TAF2: variants seen among roughly 807,000 people sequenced by gnomAD.
The protein encoded by TAF2 is TATA-box binding protein associated factor 2.
TAF2 carries 61 observed loss-of-function variants against 138.5 expected under a neutral mutation model. That is an observed-to-expected ratio of 0.44 (90% CI 0.36 to 0.54). TAF2 has a LOEUF of 0.54. Ranked by LOEUF, TAF2 falls within the 20% of genes least tolerant of loss-of-function variation. The pLI, the probability that TAF2 is intolerant of heterozygous loss-of-function variation, is 0.00. For synonymous variants in TAF2, 475 were observed against 469.9 expected (o/e 1.01, Z -0.14); for missense variants, 1,090 against 1,427.9 (o/e 0.76, Z 3.81).
At chr8:119,785,077 A>C in intron 15 of TAF2, 124 bp downstream of exon 15, 1 of 723,512 alleles carries the variant, frequency 1.4e-6, no homozygotes. Flanking sequence ...GGTTTCTATT[A>C]AATTAAAATA....
chr8:119,767,665 T>C (rs923860240), intron 18 of TAF2, among the ~76,000 whole-genome samples: 19 of 152,262 alleles, frequency 1.2e-4, no homozygotes, highest in East Asian at 3.9e-4. Flanking sequence ...GACCCGGCAT[T>C]TTCACACAAC....
chr8:119,806,236 A>C (rs370630087), intron 4 of TAF2, 47 bp downstream of exon 4: 4 of 1,488,390 alleles, frequency 2.7e-6, no homozygotes, highest in African/African-American at 2.8e-5. Flanking sequence ...TAGTGTCTGA[A>C]TCTAACGTGA....
chr8:119,795,599 C>T lies in TAF2; in HGVS notation c.1124G>A (p.Gly375Asp). 6.2e-7 allele frequency: 1 copy of T among 1,613,696 alleles called. No individual in the cohort carries two copies. The highest frequency in any genetic ancestry group is 8.5e-7 in the Non-Finnish European group (1 of 1,179,794). The change falls in exon 9 of 26, where the codon GGC (glycine) becomes GAC (aspartate). Residue 375 changes from glycine to aspartate, a missense_variant. Physicochemically the swap from Gly to Asp is moderately conservative, Grantham distance 94. Coordinates refer to ENST00000378164, the MANE Select transcript of TAF2 (RefSeq NM_003184.4). ...TTTCATCCAAAGTCCATAGATATAGCCTGAAATTCCCTTCAGCACCCATTC... is the reference window on the plus strand; with the variant it reads ...TTTCATCCAAAGTCCATAGATATAGTCTGAAATTCCCTTCAGCACCCATTC... Reference protein sequence around the residue: ...SDEWVLKGISGYIYGLWMKKT... With the variant: ...SDEWVLKGISDYIYGLWMKKT...
At chr8:119,750,109 G>A (rs181122677) in intron 22 of TAF2, among the ~76,000 whole-genome samples, 4 of 152,270 alleles carry the variant, frequency 2.6e-5, no homozygotes, top group Admixed American at 2.6e-4. Flanking sequence ...CAACTAGGCC[G>A]AGGCAGGAGG....
In TAF2 at chr8:119,747,072, C is replaced by A. The variant is rs879230449; in HGVS notation, c.2879-138G>T. The A allele has an allele frequency of 3.1e-5, 27 of 872,470 alleles. No individual in the cohort carries two copies. The South Asian group carries it at 3.9e-4, about 13-fold the overall frequency. 54.0% of individuals were successfully genotyped at this position (872,470 alleles called of 1,614,324 possible). On this transcript the variant is annotated intron_variant, in intron 22 of 25. Coordinates refer to ENST00000378164, the MANE Select transcript of TAF2 (RefSeq NM_003184.4). ...CACCTTTCATCTTACAAAATGAATACTAGACATCAACCAAAAATCTAACAT... is the reference window on the plus strand; with the variant it reads ...CACCTTTCATCTTACAAAATGAATAATAGACATCAACCAAAAATCTAACAT...
chr8:119,784,927 A>C (rs962068009), intron 15 of TAF2, among the ~76,000 whole-genome samples: 1 of 152,186 alleles, frequency 6.6e-6, no homozygotes, highest in Non-Finnish European at 1.5e-5. Flanking sequence ...GGCCACAAAG[A>C]GAGAATAAGG....
chr8:119,763,121 GACT>G (rs1191497196), intron 18 of TAF2, among the ~76,000 whole-genome samples: 1 of 152,170 alleles, frequency 6.6e-6, no homozygotes, highest in African/African-American at 2.4e-5. Context: ...ACTGGAAGAA[GACT>G]ATCTGCCCGC....
intron 17 of TAF2, among the ~76,000 whole-genome samples, chr8:119,778,491 A>G (rs369640212): frequency 6.6e-5 from 10 of 152,212 alleles, no homozygotes; most frequent in African/African-American, 2.4e-4. Context: ...GATACAGTGG[A>G]AAAGGTACAG....
At chr8:119,806,468 TC>T (rs370542870) in intron 3 of TAF2, 67 bp from the exon 4 acceptor site, 68 of 1,109,478 alleles carry the variant, frequency 6.1e-5, no homozygotes, top group Non-Finnish European at 7.2e-5. Context: ...TTTCTTTCTT[TC>T]TTTTTTTTTT....
chr8:119,807,896 T>G (rs573461093), intron 3 of TAF2, among the ~76,000 whole-genome samples: 3 of 152,132 alleles, frequency 2.0e-5, no homozygotes, highest in Non-Finnish European at 4.4e-5. Flanking sequence ...CACTCCAACC[T>G]GGGCAACAGA....
intron 9 of TAF2, among the ~76,000 whole-genome samples, chr8:119,794,125 C>CA (rs984366942): frequency 2.1e-4 from 32 of 152,222 alleles, no homozygotes; most frequent in African/African-American, 7.7e-4. Flanking sequence ...AAGACGGGCG[C>CA]AGTGGCTCAC....
rs775370856 is a variant in TAF2, at chr8:119,760,737, A to G, written c.2560T>C (p.Cys854Arg). 1 of 1,613,860 alleles carries G rather than the reference A, an allele frequency of 6.2e-7. No homozygotes were observed. Among genetic ancestry groups the G allele is most frequent in the Admixed American group, 1.7e-5 (1 of 60,016 alleles). Residue 854 changes from cysteine (C) to arginine (R), a missense_variant and splice_region_variant, in exon 20 of 26, where the codon TGT becomes CGT. Transcript: ENST00000378164. ...PSYRHTITVSCLRAIRVLQKN... is the reference protein window; with the variant it reads ...PSYRHTITVSRLRAIRVLQKN... ...TGAAGTACCCGTATGGCTCTCAAAC[A>G]ACTAGGGAAAAAAATACGTATGTTA...
intron 18 of TAF2, among the ~76,000 whole-genome samples, chr8:119,765,213 C>A (rs62526567): frequency 0.02 from 3,096 of 152,100 alleles, 46 homozygotes; most frequent in Non-Finnish European, 0.026. Flanking sequence ...TAAATATAGG[C>A]ATCTAGTACT....
At chr8:119,773,943 G>A (rs1241805229) in intron 18 of TAF2, among the ~76,000 whole-genome samples, 10 of 151,766 alleles carry the variant, frequency 6.6e-5, no homozygotes, top group African/African-American at 2.2e-4. Flanking sequence ...AGGCCAAGGC[G>A]GGTGGATCAC....
chr8:119,800,143 T>C (rs1824150765), intron 6 of TAF2, among the ~76,000 whole-genome samples: 1 of 152,332 alleles, frequency 6.6e-6, no homozygotes, highest in African/African-American at 2.4e-5. Flanking sequence ...AACTCTTTAG[T>C]TTAATTAGAT....
At chr8:119,789,914 A>C (rs1274316949) in intron 11 of TAF2, among the ~76,000 whole-genome samples, 168 bp from the exon 12 acceptor site, 1 of 152,234 alleles carries the variant, frequency 6.6e-6, no homozygotes, top group African/African-American at 2.4e-5. Context: ...ATATGCAAAG[A>C]TATAAGCAGC....
intron 3 of TAF2, among the ~76,000 whole-genome samples, chr8:119,816,400 C>A (rs191646101): frequency 6.6e-6 from 1 of 152,054 alleles, no homozygotes; most frequent in Non-Finnish European, 1.5e-5. Context: ...GGCATGGCAC[C>A]TTAACTTTAA....
intron 3 of TAF2, among the ~76,000 whole-genome samples, chr8:119,807,867 A>G (rs1485079524): frequency 1.3e-5 from 2 of 152,242 alleles, no homozygotes; most frequent in Non-Finnish European, 2.9e-5. Context: ...AGTTGCAGTG[A>G]GCTGAGATTG....
chr8:119,742,472 C>T, intron 25 of TAF2, 62 bp downstream of exon 25: 6 of 1,584,940 alleles, frequency 3.8e-6, no homozygotes, highest in Non-Finnish European at 5.2e-6. Context: ...TGAAGTAACT[C>T]TATTACATTT....
Sources: allele counts gnomAD v4.1 joint callset (sites outside exome capture counted in the v4.1 genomes callset), GRCh38; gene constraint gnomAD v4.1.1; transcripts MANE v1.5; gene names NCBI Gene and HGNC (gene_info 2026-07-23, HGNC 2026-07-21).